Variants in ZNF83 observed in about 807,000 individuals in gnomAD.
ZNF83 encodes zinc finger protein 83.
For synonymous variants in ZNF83, 209 were observed against 213.0 expected, an observed-to-expected ratio of 0.98 and a Z score of 0.17; for missense variants, 552 against 629.9, an observed-to-expected ratio of 0.88 and a Z score of 1.32.
At chr19:52,634,840 C>A (rs573729238) in intron 2 of ZNF83, among the ~76,000 whole-genome samples, 4 of 152,264 alleles carry the variant, frequency 2.6e-5, no homozygotes, top group Admixed American at 6.5e-5. Flanking sequence ...TGGGTGTGGG[C>A]CCTTACCAGG....
chr19:52,613,101 A>G (rs1271974210), exon 3 of ZNF83: 1 of 1,613,980 alleles, frequency 6.2e-7, no homozygotes, highest in South Asian at 1.1e-5. Flanking sequence ...TGCCACATTC[A>G]TTACATTTGA....
chr19:52,660,130 GA>G (rs1488441645), intron 2 of ZNF83, among the ~76,000 whole-genome samples: 1 of 70,092 alleles, frequency 1.4e-5, no homozygotes. Flanking sequence ...ATGGTGGTAA[GA>G]ATCATGGTGG....
intron 3 of ZNF83, among the ~76,000 whole-genome samples, chr19:52,647,246 G>A (rs1002777506): frequency 1.3e-5 from 2 of 152,078 alleles, no homozygotes; most frequent in Non-Finnish European, 1.5e-5. Flanking sequence ...AACCTCTGAT[G>A]CCAAGATTTA....
chr19:52,638,865 C>T (rs1449436726), upstream of ZNF83, among the ~76,000 whole-genome samples: 7 of 152,122 alleles, frequency 4.6e-5, no homozygotes, highest in African/African-American at 1.7e-4. Context: ...GGAGTGGGAG[C>T]CTGAGGTCCC....
chr19:52,656,537 T>G (rs963316055), intron 2 of ZNF83, among the ~76,000 whole-genome samples: 1 of 151,480 alleles, frequency 6.6e-6, no homozygotes, highest in African/African-American at 2.4e-5. Flanking sequence ...TAAAAATATA[T>G]GTATGTATAT....
intron 2 of ZNF83, among the ~76,000 whole-genome samples, chr19:52,620,254 C>CTCTGTGTGTGTGTGTGTG: frequency 7.4e-6 from 1 of 134,444 alleles, no homozygotes; most frequent in African/African-American, 2.8e-5. Flanking sequence ...GTGTGTATAT[C>CTCTGTGTGTGTGTGTGTG]TGTGTGTGTA....
At chr19:52,655,425 G>A (rs2061492559) in intron 3 of ZNF83, 1 of 835,790 alleles carries the variant, frequency 1.2e-6, no homozygotes, top group Non-Finnish European at 1.9e-6. Context: ...CAGACAGGAG[G>A]ATCATCACTG....
At chr19:52,613,365 A>C (rs1228786345) in exon 3 of ZNF83, 1 of 1,613,716 alleles carries the variant, frequency 6.2e-7, no homozygotes, top group Non-Finnish European at 8.5e-7. Context: ...CACATTTGTA[A>C]GGTTTCTCTC....
chr19:52,677,342 C>T (rs912886003), intron 1 of ZNF83, among the ~76,000 whole-genome samples: 27 of 148,184 alleles, frequency 1.8e-4, no homozygotes, highest in East Asian at 9.9e-4. Flanking sequence ...AAAAATTAGC[C>T]GGGTGTGGTG....
intron 3 of ZNF83, among the ~76,000 whole-genome samples, chr19:52,653,691 A>G (rs329941): frequency 0.53 from 80,299 of 152,028 alleles, 21,783 homozygotes; most frequent in East Asian, 0.71. Flanking sequence ...GGCGTGTAAG[A>G]GATGACTTGT....
intron 2 of ZNF83, among the ~76,000 whole-genome samples, chr19:52,655,968 TG>T (rs2061498920): frequency 6.6e-6 from 1 of 151,936 alleles, no homozygotes; most frequent in Admixed American, 6.6e-5. Flanking sequence ...CCCAGCAGTT[TG>T]GGAGGCTGAG....
At chr19:52,631,684 C>T (rs1439803416) in intron 2 of ZNF83, among the ~76,000 whole-genome samples, 7 of 152,194 alleles carry the variant, frequency 4.6e-5, no homozygotes. Flanking sequence ...CTCTCTGATC[C>T]ATCTGACATT....
chr19:52,672,749 G>C (rs8106247), intron 1 of ZNF83, among the ~76,000 whole-genome samples: 12 of 152,040 alleles, frequency 7.9e-5, no homozygotes, highest in Admixed American at 5.2e-4. Flanking sequence ...ATTGGTGCTC[G>C]CCATCATGCT....
In ZNF83 at chr19:52,655,483, C is replaced by T. The variant is rs2061493271; in HGVS notation, c.-74+78G>A. On this transcript the variant is annotated intron_variant, in intron 3 of 5. Transcript: ENST00000594682. ...CAAAAGCATGTATGCGGCAAAATCA[C>T]AAAAGAGAATACAAAACCAGGAAGA... The T allele has an allele frequency of 6.9e-6, 9 of 1,313,232 alleles. No individual in the cohort carries two copies. The South Asian group carries it at 1.0e-4, about 15-fold the overall frequency. The allele number at this position is 1,313,232 out of a possible 1,614,324, so 81.3% of individuals were successfully genotyped here.
At chr19:52,621,587 CACT>C (rs1313268592) in intron 2 of ZNF83, among the ~76,000 whole-genome samples, 12 of 145,378 alleles carry the variant, frequency 8.3e-5, no homozygotes, top group East Asian at 2.1e-4. Context: ...AGTACCACCC[CACT>C]CTCTCTGTGT....
At chr19:52,613,970 G>C (rs1240823301) in exon 3 of ZNF83, 1 of 1,613,414 alleles carries the variant, frequency 6.2e-7, no homozygotes, top group Non-Finnish European at 8.5e-7. Flanking sequence ...TCTCCGGTAT[G>C]AATTCTTTGA....
intron 1 of ZNF83, among the ~76,000 whole-genome samples, chr19:52,666,875 G>A (rs2061661045): frequency 6.6e-6 from 1 of 152,132 alleles, no homozygotes; most frequent in Admixed American, 6.5e-5. Context: ...GACATAATGG[G>A]TATTCAATAA....
chr19:52,685,628 A>G (rs1208425044), intron 1 of ZNF83, among the ~76,000 whole-genome samples: 3 of 152,046 alleles, frequency 2.0e-5, no homozygotes, highest in Non-Finnish European at 2.9e-5. Context: ...CAGGCACGGT[A>G]GCTCTTGCCT....
intron 2 of ZNF83, chr19:52,616,793 A>G (rs2060323110): frequency 6.6e-6 from 1 of 152,264 alleles, no homozygotes; most frequent in Non-Finnish European, 1.5e-5. Flanking sequence ...TGGTGAGCCG[A>G]GATTGTGCCA....
Sources: gnomAD v4.1 joint callset for allele counts (sites outside exome capture counted in the v4.1 genomes callset) on GRCh38, gnomAD v4.1.1 for gene constraint, MANE v1.5 for transcripts, NCBI Gene and HGNC (gene_info 2026-07-23, HGNC 2026-07-21) for gene names.